Variants in EIF3H observed in about 807,000 individuals in gnomAD.
EIF3H encodes the protein eukaryotic translation initiation factor 3 subunit H.
EIF3H carries 26 observed loss-of-function variants against 44.2 expected under a neutral mutation model. The observed-to-expected ratio is 0.59, with a 90% CI of 0.43 to 0.82. EIF3H has a LOEUF of 0.82. EIF3H is among the 40% of genes least tolerant of loss of function. The pLI is 0.00. For synonymous variants in EIF3H, 166 were observed against 151.9 expected (o/e 1.09, Z -0.68); for missense variants, 359 against 432.8 (o/e 0.83, Z 1.51).
At chr8:116,733,618 A>ACACCC (rs1461976025) in intron 1 of EIF3H, among the ~76,000 whole-genome samples, 3 of 152,080 alleles carry the variant, frequency 2.0e-5, no homozygotes, top group Non-Finnish European at 4.4e-5. Context: ...TAAAAAAAAA[A>ACACCC]CAAACTCTTA....
upstream of EIF3H, among the ~76,000 whole-genome samples, chr8:116,759,919 A>G (rs762200069): frequency 2.2e-4 from 33 of 152,162 alleles, no homozygotes; most frequent in South Asian, 6.2e-4. Flanking sequence ...TTTGTAGATA[A>G]CCAGTTCCAC....
chr8:116,750,395 T>C (rs1815310281), intron 1 of EIF3H, among the ~76,000 whole-genome samples: 1 of 92,056 alleles, frequency 1.1e-5, no homozygotes, highest in African/African-American at 4.2e-5. Flanking sequence ...GGTCTGTCTT[T>C]AGCATGACTT....
At chr8:116,664,518 T>A (rs1350508952) in intron 2 of EIF3H, among the ~76,000 whole-genome samples, 1 of 152,194 alleles carries the variant, frequency 6.6e-6, no homozygotes, top group East Asian at 1.9e-4. Flanking sequence ...CAATTCTTCA[T>A]CCTCATTTTT....
rs755999922 is a variant in EIF3H, at chr8:116,726,316, C to A, written c.133-144G>T. 2.5e-4 allele frequency: 225 copies of A among 894,988 alleles called. 2 individuals are homozygous for A. Among genetic ancestry groups the A allele is most frequent in the Non-Finnish European group, 3.4e-4 (212 of 625,972 alleles). 55.4% of individuals were successfully genotyped at this position (894,988 alleles called of 1,614,324 possible). Reference sequence around the variant, plus strand: ...GGAATAAATAAATGTCTTACAAATCCTTTCCTTTACCCTTACATAAATAAT... The same window carrying A: ...GGAATAAATAAATGTCTTACAAATCATTTCCTTTACCCTTACATAAATAAT... On this transcript the variant is annotated intron_variant, in intron 1 of 7. Coordinates refer to ENST00000521861, the MANE Select transcript of EIF3H (RefSeq NM_003756.3).
chr8:116,729,302 G>A (rs1321708831), intron 1 of EIF3H, among the ~76,000 whole-genome samples: 1 of 152,124 alleles, frequency 6.6e-6, no homozygotes, highest in African/African-American at 2.4e-5. Flanking sequence ...GTTTCATAAA[G>A]AAGCCAGATG....
At chr8:116,674,638 T>C (rs1000794820) in intron 2 of EIF3H, among the ~76,000 whole-genome samples, 1 of 152,214 alleles carries the variant, frequency 6.6e-6, no homozygotes, top group Non-Finnish European at 1.5e-5. Flanking sequence ...CCTGAATATC[T>C]AGTAATGTGC....
intron 2 of EIF3H, among the ~76,000 whole-genome samples, chr8:116,719,946 AG>A (rs1814716981): frequency 6.6e-6 from 1 of 152,200 alleles, no homozygotes; most frequent in Non-Finnish European, 1.5e-5. Context: ...AGTCTATTAT[AG>A]TAGAAAAACC....
intron 1 of EIF3H, among the ~76,000 whole-genome samples, chr8:116,748,164 A>AC (rs1815269691): frequency 1.3e-5 from 2 of 151,938 alleles, no homozygotes; most frequent in African/African-American, 4.8e-5. Context: ...AAAACAAAAA[A>AC]AAAAACAAAA....
At chr8:116,748,803 T>C (rs945066600) in intron 1 of EIF3H, among the ~76,000 whole-genome samples, 11 of 152,244 alleles carry the variant, frequency 7.2e-5, no homozygotes, top group Non-Finnish European at 1.5e-4. Context: ...GCATTAGTTA[T>C]TGCATATAAC....
chr8:116,753,750 G>A (rs547756182), intron 1 of EIF3H, among the ~76,000 whole-genome samples: 3 of 152,278 alleles, frequency 2.0e-5, no homozygotes, highest in Non-Finnish European at 4.4e-5. Flanking sequence ...TTACTGAAGT[G>A]CTTTTACCAC....
At chr8:116,668,342 C>T (rs1209525975) in intron 2 of EIF3H, among the ~76,000 whole-genome samples, 3 of 152,138 alleles carry the variant, frequency 2.0e-5, no homozygotes, top group South Asian at 2.1e-4. Context: ...AAAATGGTAA[C>T]GGAATTGTTC....
intron 2 of EIF3H, among the ~76,000 whole-genome samples, chr8:116,686,709 G>A (rs1213703896): frequency 6.6e-6 from 1 of 152,032 alleles, no homozygotes; most frequent in Admixed American, 6.6e-5. Context: ...TGACTGTGGG[G>A]ACAGGGGAAT....
Position 116,694,643 on chromosome 8 carries a change from T to C in EIF3H, c.289+31373A>G, listed in dbSNP as rs550320945. On this transcript the variant is annotated intron_variant, in intron 2 of 7. Transcript: ENST00000521861. Reference sequence around the variant, plus strand: ...CTGTGTCATACATAGAAAGGTCATATCTAGTCTCACACTGCGGTGAAATCA... The same window carrying C: ...CTGTGTCATACATAGAAAGGTCATACCTAGTCTCACACTGCGGTGAAATCA... 3.7e-4 allele frequency among the ~76,000 whole-genome samples: 56 copies of C among 152,362 alleles called. 1 individual carries two copies. The highest frequency in any genetic ancestry group is 4.4e-5 in the Non-Finnish European group (3 of 68,038).
chr8:116,684,750 T>C (rs747186896), intron 2 of EIF3H, among the ~76,000 whole-genome samples: 2 of 152,184 alleles, frequency 1.3e-5, no homozygotes, highest in Non-Finnish European at 2.9e-5. Context: ...ACAGGAAATA[T>C]GCATAGCATC....
chr8:116,744,965 T>C (rs1206340294), intron 1 of EIF3H, among the ~76,000 whole-genome samples: 1 of 152,226 alleles, frequency 6.6e-6, no homozygotes. Flanking sequence ...GTCCAGAGCA[T>C]TGCTGCCAAG....
At chr8:116,711,078 A>C (rs1005592898) in intron 2 of EIF3H, among the ~76,000 whole-genome samples, 7 of 152,228 alleles carry the variant, frequency 4.6e-5, no homozygotes, top group Admixed American at 1.3e-4. Flanking sequence ...ATGTGTACAC[A>C]CATTGCTTCC....
Position 116,644,781 on chromosome 8 carries a change from C to T in EIF3H, c.*225G>A. 2.0e-6 allele frequency: 1 copy of T among 495,110 alleles called. No individual in the cohort carries two copies. Among genetic ancestry groups the T allele is most frequent in the South Asian group, 3.3e-5 (1 of 30,672 alleles). 30.7% of individuals were successfully genotyped at this position (495,110 alleles called of 1,614,324 possible). On this transcript the variant is annotated 3_prime_UTR_variant, in exon 8 of 8. Coordinates refer to ENST00000521861, the MANE Select transcript of EIF3H (RefSeq NM_003756.3). ...GCTTTTAGAAATAAACAAGTATAAG[C>T]AAACAAAAGTAAGCCAGAGAAAATA... is the stretch of plus-strand genomic sequence containing the variant.
intron 1 of EIF3H, among the ~76,000 whole-genome samples, chr8:116,752,114 A>T (rs1336890347): frequency 6.6e-6 from 1 of 152,252 alleles, no homozygotes. Flanking sequence ...TCACACACCA[A>T]TAAGAACCCT....
chr8:116,730,195 C>G (rs1317045522), intron 1 of EIF3H, among the ~76,000 whole-genome samples: 1 of 152,134 alleles, frequency 6.6e-6, no homozygotes, highest in East Asian at 1.9e-4. Context: ...GGTTCCCAAC[C>G]CCAAGGCCAC....
Sources: allele counts gnomAD v4.1 joint callset (sites outside exome capture counted in the v4.1 genomes callset), GRCh38; gene constraint gnomAD v4.1.1; transcripts MANE v1.5; gene names NCBI Gene and HGNC (gene_info 2026-07-23, HGNC 2026-07-21).